The following PRSS12 variants were observed in gnomAD, a reference collection of about 807,000 sequenced individuals.
PRSS12 encodes neurotrypsin.
In PRSS12, 85 loss-of-function variants were observed where a neutral mutation model predicts 104.4. The observed-to-expected ratio is 0.81, with a 90% CI of 0.68 to 0.98. The LOEUF (loss-of-function observed/expected upper bound fraction) is 0.98, where lower values mean the gene tolerates loss of function less well. Ranked by LOEUF, PRSS12 falls within the 50% of genes least tolerant of loss-of-function variation. PRSS12 has a pLI of 0.00. For missense variants in PRSS12, 1,141 were observed against 1,139.2 expected, an observed-to-expected ratio of 1.00 and a Z score of -0.02; for synonymous variants, 454 against 425.2, an observed-to-expected ratio of 1.07 and a Z score of -0.83.
intron 2 of PRSS12, 63 bp downstream of exon 2, chr4:118,338,113 C>T (rs906416842): frequency 1.0e-5 from 16 of 1,592,030 alleles, no homozygotes; most frequent in Non-Finnish European, 1.2e-5. Context: ...AAAGCAATGA[C>T]GGGCACCCAG....
chr4:118,312,135 C>T (rs150643045), intron 7 of PRSS12, among the ~76,000 whole-genome samples: 126 of 152,266 alleles, frequency 8.3e-4, no homozygotes, highest in African/African-American at 2.9e-3. Flanking sequence ...AATGCAGTGT[C>T]ACCAAGCTCT....
At chr4:118,306,097 G>C (rs1743544483) in intron 8 of PRSS12, 1 of 152,010 alleles carries the variant, frequency 6.6e-6, no homozygotes, top group Non-Finnish European at 1.5e-5. Context: ...AGATCATATG[G>C]TAGTTCTACT....
chr4:118,286,205 C>T (rs1743013708), intron 11 of PRSS12, among the ~76,000 whole-genome samples: 1 of 152,106 alleles, frequency 6.6e-6, no homozygotes, highest in East Asian at 1.9e-4. Context: ...TTCTGAGTAC[C>T]CTTCAAGGGA....
intron 4 of PRSS12, among the ~76,000 whole-genome samples, chr4:118,326,778 T>C (rs974470994): frequency 1.3e-5 from 2 of 152,194 alleles, no homozygotes; most frequent in Admixed American, 6.5e-5. Context: ...TTGGGGAATA[T>C]TGTGTAATCT....
At chr4:118,335,387 G>C in intron 3 of PRSS12, 86 bp downstream of exon 3, 1 of 1,483,558 alleles carries the variant, frequency 6.7e-7, no homozygotes, top group Non-Finnish European at 9.2e-7. Flanking sequence ...TTAAGGAAAT[G>C]ATTATAACTA....
At chr4:118,313,915 T>C (rs2126034089) in intron 6 of PRSS12, among the ~76,000 whole-genome samples, 1 of 152,354 alleles carries the variant, frequency 6.6e-6, no homozygotes, top group Non-Finnish European at 1.5e-5. Flanking sequence ...ATAATATTCT[T>C]AGCTTTTCAT....
At chr4:118,299,759 TA>T (rs1743352089) in intron 8 of PRSS12, among the ~76,000 whole-genome samples, 1 of 40,136 alleles carries the variant, frequency 2.5e-5, no homozygotes. Context: ...ATAAAATAAA[TA>T]AAATTAAATA....
chr4:118,339,308 T>A (rs560186758), intron 1 of PRSS12, among the ~76,000 whole-genome samples: 1 of 152,238 alleles, frequency 6.6e-6, no homozygotes, highest in Admixed American at 6.5e-5. Context: ...AATTAAGAAA[T>A]TAATTTAAAA....
intron 1 of PRSS12, among the ~76,000 whole-genome samples, chr4:118,344,831 G>C (rs1387322086): frequency 6.6e-6 from 1 of 152,094 alleles, no homozygotes; most frequent in Non-Finnish European, 1.5e-5. Flanking sequence ...CCATGGTTAA[G>C]CTATAGTAGG....
intron 1 of PRSS12, among the ~76,000 whole-genome samples, chr4:118,343,845 G>A (rs1200317939): frequency 6.6e-6 from 1 of 152,064 alleles, no homozygotes; most frequent in Non-Finnish European, 1.5e-5. Flanking sequence ...GAAAGAAAAT[G>A]CAGTAAAAAC....
intron 11 of PRSS12, among the ~76,000 whole-genome samples, chr4:118,290,236 A>C (rs971917924): frequency 6.6e-6 from 1 of 151,838 alleles, no homozygotes; most frequent in Non-Finnish European, 1.5e-5. Context: ...TAACAACAAC[A>C]AAAAAAAGAG....
chr4:118,310,193 A>G (rs1743671730), intron 7 of PRSS12, among the ~76,000 whole-genome samples: 2 of 152,226 alleles, frequency 1.3e-5, no homozygotes, highest in South Asian at 4.1e-4. Flanking sequence ...TGATCCTCAG[A>G]TACCAAAATC....
intron 8 of PRSS12, among the ~76,000 whole-genome samples, chr4:118,308,152 A>G (rs1209548437): frequency 6.6e-6 from 1 of 152,234 alleles, no homozygotes; most frequent in African/African-American, 2.4e-5. Context: ...AACTGACAGA[A>G]GCTGATACAA....
chr4:118,324,841 T>G (rs1328369145), intron 4 of PRSS12, among the ~76,000 whole-genome samples: 1 of 151,848 alleles, frequency 6.6e-6, no homozygotes. Context: ...ACCTCCTGAG[T>G]AGCTGGGATT....
chr4:118,330,209 C>T (rs550919336), intron 4 of PRSS12, among the ~76,000 whole-genome samples: 25 of 152,276 alleles, frequency 1.6e-4, no homozygotes, highest in African/African-American at 6.0e-4. Flanking sequence ...GCTGATGTCA[C>T]TTAAACCAGT....
At chr4:118,289,624 C>T (rs555644001) in intron 11 of PRSS12, among the ~76,000 whole-genome samples, 1 of 152,208 alleles carries the variant, frequency 6.6e-6, no homozygotes, top group African/African-American at 2.4e-5. Context: ...AGCAAAAGTC[C>T]CTAAATCTAG....
At chr4:118,310,821 C>A (rs1257476237) in intron 7 of PRSS12, among the ~76,000 whole-genome samples, 1 of 152,170 alleles carries the variant, frequency 6.6e-6, no homozygotes, top group East Asian at 1.9e-4. Context: ...GAGGCCAAGG[C>A]AGGCAGATCA....
rs549665178 is a variant in PRSS12, at chr4:118,295,805, C to T, written c.1889G>A (p.Arg630Gln). ...TAAAGAATTTTTCCCACCAATGATCCGCTTCTGCCGACGGTGCAGTAATCT... is the reference window on the plus strand; with the variant it reads ...TAAAGAATTTTTCCCACCAATGATCTGCTTCTGCCGACGGTGCAGTAATCT... ...GLRLLHRRQKRIIGGKNSLRG... is the reference protein window; with the variant it reads ...GLRLLHRRQKQIIGGKNSLRG... The change falls in exon 10 of 13, where the codon CGG becomes CAG. Residue 630 changes from arginine to glutamine, a missense_variant. Physicochemically the swap from Arg to Gln is conservative, Grantham distance 43. Transcript: ENST00000296498. The T allele has an allele frequency of 5.6e-6, 9 of 1,613,958 alleles. No individual in the cohort carries two copies. Among genetic ancestry groups the T allele is most frequent in the African/African-American group, 2.7e-5 (2 of 74,990 alleles).
At chr4:118,318,587 G>C (rs750527380) in intron 4 of PRSS12, 31 bp from the exon 5 acceptor site, 1 of 1,603,798 alleles carries the variant, frequency 6.2e-7, no homozygotes, top group South Asian at 1.1e-5. Flanking sequence ...AAGGATTCTG[G>C]ATTAGATACC....
Sources: allele counts gnomAD v4.1 joint callset (sites outside exome capture counted in the v4.1 genomes callset), GRCh38; gene constraint gnomAD v4.1.1; transcripts MANE v1.5; gene names NCBI Gene and HGNC (gene_info 2026-07-23, HGNC 2026-07-21).